Variants in RPS6KC1 observed in about 807,000 individuals in gnomAD.
RPS6KC1 encodes the protein ribosomal protein S6 kinase C1.
A neutral mutation model predicts 103.8 loss-of-function variants in RPS6KC1; 54 were observed. The observed-to-expected ratio is 0.52, with a 90% confidence interval of 0.42 to 0.65. The LOEUF (loss-of-function observed/expected upper bound fraction) is 0.65, where lower values mean the gene tolerates loss of function less well. Ranked by LOEUF, RPS6KC1 falls within the 30% of genes least tolerant of loss-of-function variation. The pLI is 0.00. For missense variants in RPS6KC1, 1,151 were observed against 1,253.8 expected (o/e 0.92, Z 1.24); for synonymous variants, 439 against 438.7 (o/e 1.00, Z -0.01).
intron 8 of RPS6KC1, among the ~76,000 whole-genome samples, chr1:213,217,199 G>A (rs1334280048): frequency 6.6e-6 from 1 of 151,566 alleles, no homozygotes; most frequent in Non-Finnish European, 1.5e-5. Context: ...TATCACTACC[G>A]ATCCCACAGA....
chr1:213,541,725 A>T, the RPS6KC1 span, among the ~76,000 whole-genome samples: 1 of 152,148 alleles, frequency 6.6e-6, no homozygotes, highest in Non-Finnish European at 1.5e-5. Flanking sequence ...AGTGGGAGAG[A>T]CAGCTGTGTG....
the RPS6KC1 span, among the ~76,000 whole-genome samples, chr1:213,847,051 G>C: frequency 6.6e-6 from 1 of 152,176 alleles, no homozygotes; most frequent in Admixed American, 6.5e-5. Context: ...AGCTAAGTCA[G>C]ATTAATCATG....
At chr1:213,277,384 C>T (rs543972688), downstream of RPS6KC1, among the ~76,000 whole-genome samples, 7 of 152,310 alleles carry the variant, frequency 4.6e-5, no homozygotes, top group African/African-American at 9.6e-5. Flanking sequence ...CTAGCTGTCT[C>T]ATCTCAGGGA....
chr1:213,662,448 T>TC, the RPS6KC1 span, among the ~76,000 whole-genome samples: 6 of 125,496 alleles, frequency 4.8e-5, 1 homozygote, highest in African/African-American at 1.1e-4. Flanking sequence ...TTTTTTTTTT[T>TC]GTATTTTTAG....
chr1:213,470,476 G>A, the RPS6KC1 span, among the ~76,000 whole-genome samples: 3 of 152,238 alleles, frequency 2.0e-5, no homozygotes, highest in East Asian at 5.8e-4. Flanking sequence ...CAGCCTGGTT[G>A]TCTTCCTGTT....
At chr1:213,084,632 T>C (rs2080215343) in intron 3 of RPS6KC1, among the ~76,000 whole-genome samples, 1 of 152,218 alleles carries the variant, frequency 6.6e-6, no homozygotes, top group East Asian at 1.9e-4. Flanking sequence ...AGTTGACCTT[T>C]TAATATCATT....
rs199765911 is a variant in RPS6KC1 at position 213,241,279 on chromosome 1, T to G, written c.1803T>G (p.Phe601Leu). The G allele has an allele frequency of 4.5e-5, 73 of 1,613,794 alleles. No individual in the cohort carries two copies. Among genetic ancestry groups the G allele is most frequent in the Non-Finnish European group, 5.8e-5 (68 of 1,179,924 alleles). ...SRSKNSPMEF[F>L]RIDSKDSASE... Reference sequence around the variant, plus strand: ...CAAAAAATAGCCCCATGGAATTCTTTAGGATAGACAGTAAGGATAGCGCAA... The same window carrying G: ...CAAAAAATAGCCCCATGGAATTCTTGAGGATAGACAGTAAGGATAGCGCAA... The change falls in exon 11 of 15, where the codon TTT (phenylalanine) becomes TTG (leucine). Residue 601 changes from phenylalanine (F) to leucine (L), a missense_variant. Transcript: ENST00000366960.
chr1:213,757,717 T>C, the RPS6KC1 span, among the ~76,000 whole-genome samples: 1 of 152,184 alleles, frequency 6.6e-6, no homozygotes. Flanking sequence ...TCGCCTTCTA[T>C]TGGAAGAAGA....
At chr1:213,661,882 A>T in the RPS6KC1 span, among the ~76,000 whole-genome samples, 5 of 152,308 alleles carry the variant, frequency 3.3e-5, no homozygotes, top group South Asian at 2.1e-4. Flanking sequence ...ACAACTTGTA[A>T]AATAGTGGAG....
the RPS6KC1 span, among the ~76,000 whole-genome samples, chr1:213,428,522 T>TCTCTCTC: frequency 2.2e-5 from 1 of 45,836 alleles, no homozygotes; most frequent in Non-Finnish European, 4.0e-5. Flanking sequence ...TCCTTCCTCT[T>TCTCTCTC]TCTCTCTCTC....
chr1:213,641,172 T>C, the RPS6KC1 span, among the ~76,000 whole-genome samples: 3 of 149,840 alleles, frequency 2.0e-5, no homozygotes, highest in Non-Finnish European at 4.5e-5. Flanking sequence ...CCATTTTTTT[T>C]CTAGAGTGTT....
chr1:213,122,351 G>A (rs1212875369), intron 5 of RPS6KC1, among the ~76,000 whole-genome samples: 1 of 152,000 alleles, frequency 6.6e-6, no homozygotes, highest in Non-Finnish European at 1.5e-5. Flanking sequence ...TTGGAAAGGT[G>A]TATAGTTATT....
chr1:213,350,185 G>T, the RPS6KC1 span, among the ~76,000 whole-genome samples: 2 of 152,118 alleles, frequency 1.3e-5, no homozygotes, highest in Non-Finnish European at 2.9e-5. Flanking sequence ...GAAAGTTCCT[G>T]GTTCTCTCTC....
the RPS6KC1 span, among the ~76,000 whole-genome samples, chr1:213,377,575 G>A: frequency 6.6e-6 from 1 of 152,284 alleles, no homozygotes; most frequent in East Asian, 1.9e-4. Context: ...GGCTCCAACT[G>A]ATGTTTTATC....
chr1:213,599,907 C>G, the RPS6KC1 span, among the ~76,000 whole-genome samples: 1 of 152,158 alleles, frequency 6.6e-6, no homozygotes, highest in Non-Finnish European at 1.5e-5. Flanking sequence ...TGGTTTGGCT[C>G]TGTGTCCCCA....
At chr1:213,069,032 T>A (rs1002968527) in intron 1 of RPS6KC1, among the ~76,000 whole-genome samples, 2 of 152,026 alleles carry the variant, frequency 1.3e-5, no homozygotes, top group African/African-American at 4.8e-5. Context: ...CACTCTAGCC[T>A]AGGTGACAGA....
chr1:213,597,747 C>A, the RPS6KC1 span, among the ~76,000 whole-genome samples: 102 of 152,220 alleles, frequency 6.7e-4, no homozygotes, highest in African/African-American at 2.3e-3. Flanking sequence ...TTGCAGAATA[C>A]CAAGAAACCC....
the RPS6KC1 span, among the ~76,000 whole-genome samples, chr1:213,381,603 A>T: frequency 6.6e-6 from 1 of 152,008 alleles, no homozygotes; most frequent in Admixed American, 6.6e-5. Flanking sequence ...CAGTTATGTC[A>T]AACAAAGTGT....
At chr1:213,694,671 A>T in the RPS6KC1 span, among the ~76,000 whole-genome samples, 1 of 152,086 alleles carries the variant, frequency 6.6e-6, no homozygotes, top group South Asian at 2.1e-4. Context: ...TATCATCTGG[A>T]TGATTTTGGA....
Sources: allele counts gnomAD v4.1 joint callset (sites outside exome capture counted in the v4.1 genomes callset), GRCh38; gene constraint gnomAD v4.1.1; transcripts MANE v1.5; gene names NCBI Gene and HGNC (gene_info 2026-07-23, HGNC 2026-07-21).